Variants in GMDS observed in about 807,000 individuals in gnomAD.
GMDS encodes GDP-mannose 4,6 dehydratase.
In GMDS, 20 loss-of-function variants were observed where a neutral mutation model predicts 49.9. The observed-to-expected ratio is 0.40, with a 90% CI of 0.28 to 0.58. GMDS has a LOEUF of 0.58. Ranked by LOEUF, GMDS falls within the 20% of genes least tolerant of loss-of-function variation. The probability of loss-of-function intolerance (pLI) is 0.42; values close to 1 mark genes in which losing one functional copy is unlikely to be tolerated. For synonymous variants in GMDS, 177 were observed against 178.6 expected (o/e 0.99, Z 0.07); for missense variants, 362 against 481.4 (o/e 0.75, Z 2.32).
At chr6:2,128,031 T>C (rs779684692) in intron 1 of GMDS, among the ~76,000 whole-genome samples, 9 of 152,232 alleles carry the variant, frequency 5.9e-5, no homozygotes, top group Non-Finnish European at 1.2e-4. Flanking sequence ...GAAAACTCTT[T>C]AGTTGTAAAG....
intron 4 of GMDS, among the ~76,000 whole-genome samples, chr6:2,050,722 A>G (rs1770338561): frequency 6.6e-6 from 1 of 152,226 alleles, no homozygotes; most frequent in South Asian, 2.1e-4. Flanking sequence ...GGCTGGTTCA[A>G]CATACGCAAA....
chr6:1,841,578 G>T (rs1757153715), intron 7 of GMDS, among the ~76,000 whole-genome samples: 1 of 152,164 alleles, frequency 6.6e-6, no homozygotes, highest in Admixed American at 6.5e-5. Flanking sequence ...GATTTCCAAA[G>T]ATTAGGAAAG....
intron 7 of GMDS, among the ~76,000 whole-genome samples, chr6:1,800,222 T>C (rs535591997): frequency 2.6e-5 from 4 of 152,180 alleles, no homozygotes; most frequent in Admixed American, 2.6e-4. Flanking sequence ...ACATGATATA[T>C]GGAAATAAAG....
chr6:1,808,062 T>C (rs980638320), intron 7 of GMDS, among the ~76,000 whole-genome samples: 2 of 152,182 alleles, frequency 1.3e-5, no homozygotes, highest in Non-Finnish European at 2.9e-5. Flanking sequence ...TCCCACTGTA[T>C]TATGTAATTT....
chr6:1,630,980 T>C (rs9378640), intron 9 of GMDS, among the ~76,000 whole-genome samples: 5,650 of 152,236 alleles, frequency 0.037, 431 homozygotes, highest in East Asian at 0.25. Flanking sequence ...GCCAGCACCA[T>C]GTTGGTCGGA....
intron 9 of GMDS, among the ~76,000 whole-genome samples, chr6:1,683,034 C>T (rs9378302): frequency 0.24 from 34,628 of 142,276 alleles, 4,180 homozygotes; most frequent in East Asian, 0.5. Flanking sequence ...TGGGTGAGCA[C>T]GTGGGAGTCT....
rs191016084 is a variant in GMDS at position 2,220,797 on chromosome 6, C to T, written c.102+24524G>A. Among the ~76,000 whole-genome samples, 3 of 152,048 alleles carry T rather than the reference C, an allele frequency of 2.0e-5. No individual in the cohort carries two copies. In the East Asian group the frequency reaches 5.8e-4, roughly 29 times the overall value. Reference sequence around the variant, plus strand: ...AAAAAAAAAATCTGAAACACTTGTGCTCCCAAGCACTTCAGATAAGGGATA... The same window carrying T: ...AAAAAAAAAATCTGAAACACTTGTGTTCCCAAGCACTTCAGATAAGGGATA... On this transcript the variant is annotated intron_variant, in intron 1 of 10. Coordinates refer to ENST00000380815, the MANE Select transcript of GMDS (RefSeq NM_001500.4).
At chr6:1,636,516 C>T (rs1298033908) in intron 9 of GMDS, among the ~76,000 whole-genome samples, 1 of 152,214 alleles carries the variant, frequency 6.6e-6, no homozygotes, top group Non-Finnish European at 1.5e-5. Flanking sequence ...AGATCACTCA[C>T]AAGATGATCA....
At chr6:1,808,236 C>T (rs891416742) in intron 7 of GMDS, among the ~76,000 whole-genome samples, 10 of 152,170 alleles carry the variant, frequency 6.6e-5, no homozygotes, top group African/African-American at 2.4e-5. Context: ...TCCTATTTCT[C>T]AGGGCAAATG....
intron 7 of GMDS, among the ~76,000 whole-genome samples, chr6:1,863,992 A>T (rs1053116644): frequency 1.3e-5 from 2 of 152,184 alleles, no homozygotes; most frequent in African/African-American, 4.8e-5. Context: ...GGCCATTTTC[A>T]ATTGATACAA....
At chr6:1,758,303 C>T (rs965370844) in intron 7 of GMDS, among the ~76,000 whole-genome samples, 13 of 152,188 alleles carry the variant, frequency 8.5e-5, no homozygotes, top group Non-Finnish European at 7.3e-5. Context: ...ATTTCATCAG[C>T]GATGACAACT....
chr6:2,211,254 T>G (rs1267378782), intron 1 of GMDS, among the ~76,000 whole-genome samples: 2 of 152,184 alleles, frequency 1.3e-5, no homozygotes, highest in Admixed American at 6.5e-5. Flanking sequence ...GAATGTTTTT[T>G]GGGGATGTGC....
intron 7 of GMDS, among the ~76,000 whole-genome samples, chr6:1,842,019 C>G (rs1208604507): frequency 6.6e-6 from 1 of 152,218 alleles, no homozygotes; most frequent in Non-Finnish European, 1.5e-5. Context: ...CACACATGGA[C>G]TCTTCCCCAG....
intron 4 of GMDS, among the ~76,000 whole-genome samples, chr6:2,044,582 G>A (rs1469082793): frequency 6.6e-6 from 1 of 152,096 alleles, no homozygotes; most frequent in African/African-American, 2.4e-5. Flanking sequence ...GGTGAGAGGA[G>A]GGAGAAGATC....
chr6:2,047,365 T>C (rs1313102388), intron 4 of GMDS, among the ~76,000 whole-genome samples: 2 of 152,238 alleles, frequency 1.3e-5, no homozygotes, highest in Middle Eastern at 3.2e-3. Flanking sequence ...GAAAAGAAAG[T>C]GTGACTACTG....
chr6:2,222,908 C>T lies in GMDS; in HGVS notation c.102+22413G>A, dbSNP rs1184713539. Among the ~76,000 whole-genome samples the T allele has an allele frequency of 2.6e-5, 4 of 152,148 alleles. No individual in the cohort carries two copies. The East Asian group carries it at 7.7e-4, about 29-fold the overall frequency. On this transcript the variant is annotated intron_variant, in intron 1 of 10. Transcript: ENST00000380815. ...ATTTAAATCAGTACACTGAGTAATA[C>T]TCCCTACAATGTGAGTGGGCTTCAT...
At chr6:1,777,255 C>T (rs1768874460) in intron 7 of GMDS, among the ~76,000 whole-genome samples, 2 of 152,246 alleles carry the variant, frequency 1.3e-5, no homozygotes. Context: ...TAGCACAGCT[C>T]CTAGGCAGCC....
At chr6:1,701,008 G>A (rs979727131) in intron 9 of GMDS, among the ~76,000 whole-genome samples, 2 of 152,200 alleles carry the variant, frequency 1.3e-5, no homozygotes, top group Admixed American at 1.3e-4. Flanking sequence ...TGCCGCCGGG[G>A]TGACAAACCA....
intron 7 of GMDS, among the ~76,000 whole-genome samples, chr6:1,819,587 C>T (rs980468238): frequency 1.3e-5 from 2 of 151,606 alleles, no homozygotes; most frequent in African/African-American, 2.4e-5. Flanking sequence ...ATGGTGAAAC[C>T]CTGTCTCTAC....
Sources: allele counts gnomAD v4.1 joint callset (sites outside exome capture counted in the v4.1 genomes callset), GRCh38; gene constraint gnomAD v4.1.1; transcripts MANE v1.5; gene names NCBI Gene and HGNC (gene_info 2026-07-23, HGNC 2026-07-21).